The following DIAPH2 variants were observed in gnomAD, a reference collection of about 807,000 sequenced individuals.
DIAPH2 encodes protein diaphanous homolog 2.
A neutral mutation model predicts 92.7 loss-of-function variants in DIAPH2; 35 were observed. The observed-to-expected ratio is 0.38, with a 90% confidence interval of 0.29 to 0.50. DIAPH2 has a LOEUF of 0.50. Among genes scored for constraint, DIAPH2 ranks in the 20% least tolerant of loss-of-function variants. The pLI is 0.94. For missense variants in DIAPH2, 701 were observed against 819.5 expected, an observed-to-expected ratio of 0.86 and a Z score of 1.77; for synonymous variants, 301 against 280.4, an observed-to-expected ratio of 1.07 and a Z score of -0.73.
Position 96,986,715 on chromosome X carries a change from T to C in DIAPH2, c.2050+21508T>C, listed in dbSNP as rs760451975. Among the ~76,000 whole-genome samples the C allele has an allele frequency of 4.5e-5, 5 of 111,309 alleles. No homozygotes were observed. In the South Asian group the frequency reaches 1.9e-3, roughly 42 times the overall value. ...TTAAGGACATGTACCCTGAAATTAATAGGACTAAAGCAACCTCTTTCCCTT... is the reference window on the plus strand; with the variant it reads ...TTAAGGACATGTACCCTGAAATTAACAGGACTAAAGCAACCTCTTTCCCTT... On this transcript the variant is annotated intron_variant, in intron 17 of 26. Coordinates refer to ENST00000324765, the MANE Select transcript of DIAPH2 (RefSeq NM_006729.5).
chrX:96,763,481 T>C (rs1284525899), intron 4 of DIAPH2, among the ~76,000 whole-genome samples: 1 of 111,575 alleles, frequency 9.0e-6, no homozygotes, highest in Non-Finnish European at 1.9e-5. Context: ...CAGGAATTCT[T>C]ATTAAAATAT....
chrX:97,160,323 G>A (rs1348158770), intron 22 of DIAPH2, among the ~76,000 whole-genome samples: 2 of 112,039 alleles, frequency 1.8e-5, no homozygotes, highest in Non-Finnish European at 3.8e-5. Flanking sequence ...CTATAGAACC[G>A]GAAGAGAACA....
chrX:97,440,618 AAGAG>A (rs1357427938), intron 26 of DIAPH2, among the ~76,000 whole-genome samples: 4 of 108,608 alleles, frequency 3.7e-5, no homozygotes, highest in South Asian at 4.1e-4. Context: ...AAAAAAAAGA[AAGAG>A]AGAGTGTGAA....
intron 25 of DIAPH2, among the ~76,000 whole-genome samples, chrX:97,390,208 CTTTTTTTTTTTT>C (rs142044871): frequency 9.0e-5 from 3 of 33,188 alleles, no homozygotes; most frequent in East Asian, 3.0e-3. Context: ...TGCTTTCTGT[CTTTTTTTTTTTT>C]TTTTTTTTTT....
intron 26 of DIAPH2, among the ~76,000 whole-genome samples, chrX:97,469,352 C>T (rs1250459021): frequency 8.9e-6 from 1 of 111,929 alleles, no homozygotes; most frequent in Non-Finnish European, 1.9e-5. Flanking sequence ...GAAGGACATC[C>T]GTATCATAGA....
intron 15 of DIAPH2, among the ~76,000 whole-genome samples, chrX:96,956,171 G>A (rs1212731846): frequency 8.9e-6 from 1 of 112,890 alleles, no homozygotes; most frequent in Non-Finnish European, 1.9e-5. Context: ...GTACCTGCAG[G>A]CTCAACACCG....
chrX:97,432,480 A>G (rs1439722535), intron 26 of DIAPH2, among the ~76,000 whole-genome samples: 1 of 107,292 alleles, frequency 9.3e-6, no homozygotes, highest in African/African-American at 3.4e-5. Flanking sequence ...TTTTTATTTT[A>G]TTTTTATTTT....
chrX:96,905,046 A>T (rs927355876), intron 5 of DIAPH2, among the ~76,000 whole-genome samples: 1 of 111,591 alleles, frequency 9.0e-6, no homozygotes, highest in Non-Finnish European at 1.9e-5. Context: ...TACAGAACAC[A>T]TAACCCTCTA....
chrX:97,552,774 C>T (rs1186964693), intron 26 of DIAPH2, among the ~76,000 whole-genome samples: 1 of 111,806 alleles, frequency 8.9e-6, no homozygotes, highest in East Asian at 2.8e-4. Flanking sequence ...TTAGTTATTA[C>T]TACGTGTATT....
At chrX:96,967,846 T>G (rs1424946908) in intron 17 of DIAPH2, among the ~76,000 whole-genome samples, 1 of 112,120 alleles carries the variant, frequency 8.9e-6, no homozygotes, top group Non-Finnish European at 1.9e-5. Flanking sequence ...TAAACAGTGC[T>G]GTGATGCACA....
At position 97,601,865 on chromosome X, in the gene DIAPH2, G is replaced by A. The variant is rs2071598414; in HGVS notation, c.*2548G>A. On this transcript the variant is annotated 3_prime_UTR_variant, in exon 27 of 27. Transcript: ENST00000324765. ...AGCCATGCTCCCTCCAGAGGCTCTA[G>A]AGGAGAATCTTTCCTTGCCACGTCC... 1 of 112,316 alleles carries A rather than the reference G, an allele frequency of 8.9e-6. No homozygotes were observed. Among genetic ancestry groups the A allele is most frequent in the Non-Finnish European group, 1.9e-5 (1 of 53,296 alleles). 9.3% of individuals were successfully genotyped at this position (112,316 alleles called of 1,213,427 possible).
intron 26 of DIAPH2, among the ~76,000 whole-genome samples, chrX:97,441,800 G>A (rs889245627): frequency 3.5e-5 from 4 of 112,875 alleles, no homozygotes; most frequent in African/African-American, 1.3e-4. Flanking sequence ...GCGACAGAGC[G>A]AGACTCCGTC....
At chrX:97,210,005 T>C (rs1158983891) in intron 22 of DIAPH2, among the ~76,000 whole-genome samples, 2 of 111,500 alleles carry the variant, frequency 1.8e-5, no homozygotes, top group Non-Finnish European at 3.8e-5. Context: ...TCAAAGTCAT[T>C]GTCTCTGTTA....
intron 22 of DIAPH2, among the ~76,000 whole-genome samples, chrX:97,202,124 T>A (rs2067756050): frequency 8.9e-6 from 1 of 111,856 alleles, no homozygotes; most frequent in African/African-American, 3.2e-5. Context: ...AGGCATTTTG[T>A]CACCATCAGG....
At chrX:96,846,733 T>C (rs2147707646) in intron 4 of DIAPH2, among the ~76,000 whole-genome samples, 1 of 109,986 alleles carries the variant, frequency 9.1e-6, no homozygotes, top group Non-Finnish European at 1.9e-5. Context: ...TTAGTTGTAT[T>C]TTGTAAAATC....
intron 4 of DIAPH2, among the ~76,000 whole-genome samples, chrX:96,874,425 G>T (rs2065164989): frequency 8.9e-6 from 1 of 111,871 alleles, no homozygotes; most frequent in Non-Finnish European, 1.9e-5. Flanking sequence ...TCACCCATAT[G>T]CCCATTGTTC....
intron 23 of DIAPH2, among the ~76,000 whole-genome samples, chrX:97,338,189 CAG>C (rs2069082238): frequency 9.0e-6 from 1 of 111,046 alleles, no homozygotes; most frequent in South Asian, 3.8e-4. Flanking sequence ...TGATTTTTAA[CAG>C]AATTTTTTTA....
chrX:96,902,666 C>T (rs2065405915), intron 5 of DIAPH2, among the ~76,000 whole-genome samples: 1 of 110,332 alleles, frequency 9.1e-6, no homozygotes, highest in Non-Finnish European at 1.9e-5. Context: ...TTTTATTTGT[C>T]AATAAAAATA....
At chrX:96,837,569 T>G (rs1330092268) in intron 4 of DIAPH2, among the ~76,000 whole-genome samples, 1 of 110,417 alleles carries the variant, frequency 9.1e-6, no homozygotes, top group Non-Finnish European at 1.9e-5. Context: ...GCAATTCAGC[T>G]CCACTGGGGC....
Sources: allele counts gnomAD v4.1 joint callset (sites outside exome capture counted in the v4.1 genomes callset), GRCh38; gene constraint gnomAD v4.1.1; transcripts MANE v1.5; gene names NCBI Gene and HGNC (gene_info 2026-07-23, HGNC 2026-07-21).